THAP8: variants seen among roughly 807,000 people sequenced by gnomAD.
THAP8 encodes THAP domain containing 8.
THAP8 carries 24 observed loss-of-function variants against 25.0 expected under a neutral mutation model. That is an observed-to-expected ratio of 0.96 (90% CI 0.69 to 1.35). The LOEUF (loss-of-function observed/expected upper bound fraction) is 1.35. Among genes scored for constraint, THAP8 ranks in the 40% most tolerant of loss-of-function variants. The pLI is 0.00. For synonymous variants in THAP8, 169 were observed against 157.6 expected, an observed-to-expected ratio of 1.07 and a Z score of -0.54; for missense variants, 399 against 368.8, an observed-to-expected ratio of 1.08 and a Z score of -0.67.
intron 3 of THAP8, among the ~76,000 whole-genome samples, chr19:36,038,059 C>A (rs1026795388): frequency 6.6e-6 from 1 of 152,112 alleles, no homozygotes; most frequent in East Asian, 1.9e-4. Context: ...ATTCTCACAC[C>A]TTAGCCTCCC....
Position 36,039,536 on chromosome 19 carries a change from A to G in THAP8, c.459T>C (p.Pro153=), listed in dbSNP as rs999296119. The change falls in exon 3 of 4, where the codon CCT becomes CCC. Residue 153 remains proline, a synonymous_variant. Coordinates refer to ENST00000292894, the MANE Select transcript of THAP8 (RefSeq NM_152658.3). ...VATMLLTPLA[P]APTPERSQPE... Reference sequence around the variant, plus strand: ...GTTGTGACCGCTCAGGAGTTGGCGCAGGGGCCAGGGGGGTCAGGAGCATGG... The same window carrying G: ...GTTGTGACCGCTCAGGAGTTGGCGCGGGGGCCAGGGGGGTCAGGAGCATGG... The G allele has an allele frequency of 3.2e-6, 5 of 1,540,804 alleles. No individual in the cohort carries two copies. The highest frequency in any genetic ancestry group is 1.4e-5 in the African/African-American group (1 of 72,972).
intron 1 of THAP8, chr19:36,045,561 G>T: frequency 2.7e-6 from 1 of 366,148 alleles, no homozygotes; most frequent in South Asian, 2.0e-5. Flanking sequence ...GAACCACTGT[G>T]CCAGGCCTGA....
At chr19:36,036,491 A>G (rs1969451880) in intron 3 of THAP8, among the ~76,000 whole-genome samples, 1 of 151,942 alleles carries the variant, frequency 6.6e-6, no homozygotes, top group Admixed American at 6.6e-5. Flanking sequence ...TCTGGTCTCA[A>G]ACTCCTGGGC....
chr19:36,053,913 C>G (rs373192882), intron 1 of THAP8, among the ~76,000 whole-genome samples: 2 of 152,164 alleles, frequency 1.3e-5, no homozygotes, highest in African/African-American at 4.8e-5. Flanking sequence ...CTCTTCGGCT[C>G]GCTTCGCTCG....
chr19:36,044,026 C>T (rs1277553216), intron 1 of THAP8, among the ~76,000 whole-genome samples: 4 of 152,162 alleles, frequency 2.6e-5, no homozygotes, highest in East Asian at 1.9e-4. Context: ...CCAGCATCTG[C>T]TCTTACCCTC....
rs759588755 is a variant in THAP8 at position 36,035,448 on chromosome 19, T to C, written c.817A>G (p.Ser273Gly). Residue 273 changes from serine (S) to glycine (G), a missense_variant, in exon 4 of 4, where the codon AGT (serine) becomes GGT (glycine). Ser to Gly is a moderately conservative substitution (Grantham distance 56, BLOSUM62 0). Transcript: ENST00000292894. ...KPELLDTRIP[S>G]A is the part of the protein sequence containing the mutation. ...ATTGTCTGTCTTGATCCTTATGCACTGGGGATCCGAGTGTCCAGGAGCTCC... is the reference window on the plus strand; with the variant it reads ...ATTGTCTGTCTTGATCCTTATGCACCGGGGATCCGAGTGTCCAGGAGCTCC... 1 of 1,613,792 alleles carries C rather than the reference T, an allele frequency of 6.2e-7. No individual in the cohort carries two copies. Among genetic ancestry groups the C allele is most frequent in the South Asian group, 1.1e-5 (1 of 91,070 alleles).
intron 3 of THAP8, 139 bp from the exon 4 acceptor site, chr19:36,035,731 T>C: frequency 4.2e-6 from 4 of 950,014 alleles, no homozygotes; most frequent in South Asian, 3.5e-5. Context: ...GGGAGAGATA[T>C]GAGGAGACAG....
intron 1 of THAP8, among the ~76,000 whole-genome samples, chr19:36,042,613 A>C (rs1969733110): frequency 6.6e-6 from 1 of 152,274 alleles, no homozygotes. Flanking sequence ...CCTGGGCAAA[A>C]GAGCGACATG....
intron 3 of THAP8, among the ~76,000 whole-genome samples, chr19:36,037,275 C>T (rs2145425846): frequency 6.8e-6 from 1 of 147,168 alleles, no homozygotes; most frequent in South Asian, 2.2e-4. Flanking sequence ...CACACACACA[C>T]ACACCTTCCT....
chr19:36,047,649 C>G (rs1187892440), intron 1 of THAP8, among the ~76,000 whole-genome samples: 1 of 152,130 alleles, frequency 6.6e-6, no homozygotes, highest in Admixed American at 6.6e-5. Flanking sequence ...TGGCAAAACC[C>G]TGTCTCTACT....
chr19:36,054,278 C>A lies in THAP8; in HGVS notation c.-61G>T. The stretch of plus-strand genomic sequence containing the variant: ...CGGCTGCACTTTGGTTCTCGCGGAG[C>A]GCCGCCTAACCCCGCCCCACCCGCG... On this transcript the variant is annotated 5_prime_UTR_variant, in exon 1 of 4. Transcript: ENST00000292894. The A allele has an allele frequency of 6.4e-7, 1 of 1,553,958 alleles. No homozygotes were observed. The highest frequency in any genetic ancestry group is 8.7e-7 in the Non-Finnish European group (1 of 1,146,612).
chr19:36,039,426 C>T lies in THAP8; in HGVS notation c.569G>A (p.Cys190Tyr), dbSNP rs752080847. The T allele has an allele frequency of 6.3e-7, 1 of 1,577,726 alleles. No homozygotes were observed. The highest frequency in any genetic ancestry group is 1.3e-5 in the African/African-American group (1 of 74,162). The part of the protein sequence containing the change: ...LQRRVRRLQR[C>Y]QERHQAQLQA... ...CAGCTGCGCCTGGTGCCGCTCCTGGCACCGTTGCAGCCTCCGCACCCGGCG... is the reference window on the plus strand; with the variant it reads ...CAGCTGCGCCTGGTGCCGCTCCTGGTACCGTTGCAGCCTCCGCACCCGGCG... Residue 190 changes from cysteine to tyrosine, a missense_variant, in exon 3 of 4, where the codon TGC (cysteine) becomes TAC (tyrosine). Transcript: ENST00000292894.
intron 1 of THAP8, among the ~76,000 whole-genome samples, chr19:36,044,855 A>G (rs1338292021): frequency 6.6e-6 from 1 of 152,188 alleles, no homozygotes; most frequent in Non-Finnish European, 1.5e-5. Context: ...CAAAATTCCT[A>G]CAGGAGAGAG....
At chr19:36,050,853 A>G (rs1208228393) in intron 1 of THAP8, among the ~76,000 whole-genome samples, 1 of 152,198 alleles carries the variant, frequency 6.6e-6, no homozygotes, top group Non-Finnish European at 1.5e-5. Flanking sequence ...TGACACATGG[A>G]CTGCTGGCTT....
chr19:36,047,617 T>C (rs116029467), intron 1 of THAP8, among the ~76,000 whole-genome samples: 1,616 of 152,256 alleles, frequency 0.011, 29 homozygotes, highest in African/African-American at 0.037. Context: ...AGGCCAGGTG[T>C]TTGAGACTAG....
At chr19:36,036,940 CAAAAAAAAAAA>C (rs10522467) in intron 3 of THAP8, among the ~76,000 whole-genome samples, 21,945 of 113,234 alleles carry the variant, frequency 0.19, 1,871 homozygotes, top group Admixed American at 0.32. Flanking sequence ...GACTCCTTCT[CAAAAAAAAAAA>C]AAAAAAAAAT....
At position 36,039,460 on chromosome 19, in the gene THAP8, C is replaced by T. The variant is rs1391378833; in HGVS notation, c.535G>A (p.Ala179Thr). ...AGCCTCCGCACCCGGCGTTGCAGTG[C>T]TCCCAGCACTGGGCCCAGCCCGGTC... ...AQTGLGPVLG[A>T]LQRRVRRLQR... The change falls in exon 3 of 4, where the codon GCA becomes ACA. Residue 179 changes from alanine to threonine, a missense_variant. By Grantham distance (58) the Ala-to-Thr change is moderately conservative (BLOSUM62 0). Transcript: ENST00000292894. 6.3e-7 allele frequency: 1 copy of T among 1,599,748 alleles called. No homozygotes were observed. The highest frequency in any genetic ancestry group is 1.1e-5 in the South Asian group (1 of 89,226).
At chr19:36,038,535 G>A (rs1969559895) in intron 3 of THAP8, among the ~76,000 whole-genome samples, 1 of 152,154 alleles carries the variant, frequency 6.6e-6, no homozygotes, top group African/African-American at 2.4e-5. Context: ...TTACAGATGT[G>A]AGCCACTGCA....
rs1245858015 is a variant in THAP8 at position 36,036,295 on chromosome 19, A to ATTTTT, written c.673-704_673-703insAAAAA. Among the ~76,000 whole-genome samples the ATTTTT allele has an allele frequency of 2.9e-3, 135 of 46,818 alleles. 2 individuals are homozygous for ATTTTT. The highest frequency in any genetic ancestry group is 0.017 in the African/African-American group (132 of 7,726). 30.7% of individuals were successfully genotyped at this position (46,818 alleles called of 152,430 possible). A position where few individuals can be genotyped will look rare whatever the true frequency, so the allele number is the denominator to read the frequency against. ...GACTTTTTTTTTTTTTTTTTTTTTG[A>ATTTTT]GACAGAGTCTCACAGTGTCACCCAG... On this transcript the variant is annotated intron_variant, in intron 3 of 3. Coordinates refer to ENST00000292894, the MANE Select transcript of THAP8 (RefSeq NM_152658.3).
Sources: allele counts gnomAD v4.1 joint callset (sites outside exome capture counted in the v4.1 genomes callset), GRCh38; gene constraint gnomAD v4.1.1; transcripts MANE v1.5; gene names NCBI Gene and HGNC (gene_info 2026-07-23, HGNC 2026-07-21).